RIMS2: variants seen among roughly 807,000 people sequenced by gnomAD.
The protein encoded by RIMS2 is regulating synaptic membrane exocytosis 2, also known as regulating synaptic membrane exocytosis protein 2.
In RIMS2, 59 loss-of-function variants were observed where a neutral mutation model predicts 174.4. The ratio of observed to expected loss-of-function variants is 0.34; its 90% CI spans 0.27 to 0.42. The LOEUF is 0.42. Among genes scored for constraint, RIMS2 ranks in the 10% least tolerant of loss-of-function variants. The pLI, the probability that RIMS2 is intolerant of heterozygous loss-of-function variation, is 1.00. For synonymous variants in RIMS2, 606 were observed against 572.5 expected (o/e 1.06, Z -0.84); for missense variants, 1,620 against 1,666.3 (o/e 0.97, Z 0.48).
chr8:104,134,965 G>A (rs771945316), intron 19 of RIMS2, among the ~76,000 whole-genome samples: 1 of 152,060 alleles, frequency 6.6e-6, no homozygotes, highest in African/African-American at 2.4e-5. Context: ...AATAGATCCT[G>A]TTCAGACATG....
chr8:103,600,168 T>C (rs1392476521), intron 1 of RIMS2, among the ~76,000 whole-genome samples: 1 of 152,182 alleles, frequency 6.6e-6, no homozygotes, highest in Non-Finnish European at 1.5e-5. Context: ...TCCGTGCCTG[T>C]CTTACCCCCA....
At chr8:103,869,728 A>G (rs1002627582) in intron 3 of RIMS2, among the ~76,000 whole-genome samples, 1 of 152,214 alleles carries the variant, frequency 6.6e-6, no homozygotes, top group Admixed American at 6.5e-5. Flanking sequence ...GGGCACTTAT[A>G]CAAGTTGGGC....
chr8:103,903,784 A>G (rs2073769235), intron 4 of RIMS2, among the ~76,000 whole-genome samples: 1 of 152,068 alleles, frequency 6.6e-6, no homozygotes, highest in African/African-American at 2.4e-5. Context: ...TTTTCTTTGA[A>G]CACCTGTTGT....
intron 16 of RIMS2, among the ~76,000 whole-genome samples, chr8:103,982,441 A>G (rs1188352968): frequency 6.6e-6 from 1 of 151,702 alleles, no homozygotes; most frequent in Non-Finnish European, 1.5e-5. Context: ...AGACACATAA[A>G]AAAAAAAAAC....
intron 19 of RIMS2, among the ~76,000 whole-genome samples, chr8:104,156,132 A>T (rs1457601836): frequency 1.3e-5 from 2 of 152,222 alleles, no homozygotes; most frequent in African/African-American, 2.4e-5. Flanking sequence ...ACAAACCCTG[A>T]AAACTTAATA....
chr8:103,719,637 T>G (rs192814482), intron 2 of RIMS2, among the ~76,000 whole-genome samples: 40 of 152,326 alleles, frequency 2.6e-4, no homozygotes, highest in African/African-American at 8.9e-4. Context: ...AATTTTCTAT[T>G]TTACATAGGA....
chr8:103,920,071 T>TTATTTTAGC (rs2077314603), intron 9 of RIMS2, among the ~76,000 whole-genome samples: 1 of 152,150 alleles, frequency 6.6e-6, no homozygotes, highest in Non-Finnish European at 1.5e-5. Context: ...AACCTTTATC[T>TTATTTTAGC]TATTTTAGCT....
At chr8:104,062,300 A>G (rs2097014472) in intron 19 of RIMS2, among the ~76,000 whole-genome samples, 1 of 152,134 alleles carries the variant, frequency 6.6e-6, no homozygotes, top group Non-Finnish European at 1.5e-5. Context: ...GCTACTCGGT[A>G]GGCTGAGGCA....
intron 1 of RIMS2, among the ~76,000 whole-genome samples, chr8:103,671,492 T>G (rs2096743584): frequency 6.6e-6 from 1 of 152,234 alleles, no homozygotes; most frequent in South Asian, 2.1e-4. Context: ...GAATCCTTAC[T>G]TAGTCCAAAT....
chr8:103,751,783 T>C (rs1299942574), intron 2 of RIMS2, among the ~76,000 whole-genome samples: 2 of 151,206 alleles, frequency 1.3e-5, no homozygotes, highest in Non-Finnish European at 2.9e-5. Flanking sequence ...CGCCCACTTT[T>C]TGATGGGGTT....
At chr8:104,179,060 G>T (rs2098923974) in intron 19 of RIMS2, among the ~76,000 whole-genome samples, 1 of 152,086 alleles carries the variant, frequency 6.6e-6, no homozygotes. Context: ...TATCTGAACT[G>T]ATGGGCTTAA....
At chr8:103,989,695 T>C (rs192503041) in intron 17 of RIMS2, among the ~76,000 whole-genome samples, 4 of 152,338 alleles carry the variant, frequency 2.6e-5, no homozygotes, top group African/African-American at 9.6e-5. Context: ...TGAATCTGTA[T>C]AAGTGATTAT....
Position 103,908,564 on chromosome 8 carries a change from C to T in RIMS2, c.1625-1570C>T, listed in dbSNP as rs530001245. On this transcript the variant is annotated intron_variant, in intron 4 of 23. Transcript: ENST00000504942. Reference sequence around the variant, plus strand: ...TCCCTAACAAGAAGTGCTCTTCCTCCAGTCGTCTCCATCTCATAAATTTTT... The same window carrying T: ...TCCCTAACAAGAAGTGCTCTTCCTCTAGTCGTCTCCATCTCATAAATTTTT... 5.9e-5 allele frequency among the ~76,000 whole-genome samples: 9 copies of T among 152,244 alleles called. 1 individual carries two copies. In the South Asian group the frequency reaches 1.9e-3, roughly 32 times the overall value.
chr8:104,163,355 GC>G (rs1445300544), intron 19 of RIMS2, among the ~76,000 whole-genome samples: 2 of 152,098 alleles, frequency 1.3e-5, no homozygotes, highest in Admixed American at 1.3e-4. Flanking sequence ...TATGGTATGT[GC>G]CAACTATTGT....
intron 3 of RIMS2, among the ~76,000 whole-genome samples, chr8:103,835,267 A>G (rs918383183): frequency 6.6e-6 from 1 of 151,112 alleles, no homozygotes; most frequent in Non-Finnish European, 1.5e-5. Context: ...AGGCCCATCT[A>G]ATTTTTTGTC....
chr8:104,163,492 A>G (rs1473809455), intron 19 of RIMS2, among the ~76,000 whole-genome samples: 1 of 152,210 alleles, frequency 6.6e-6, no homozygotes, highest in Admixed American at 6.5e-5. Flanking sequence ...TTTATTGCAG[A>G]GGATACTAAC....
intron 16 of RIMS2, among the ~76,000 whole-genome samples, chr8:103,981,095 G>A (rs901602837): frequency 2.0e-5 from 3 of 152,144 alleles, no homozygotes; most frequent in African/African-American, 7.2e-5. Context: ...GGTGATAGTA[G>A]CCAAGTAGTG....
chr8:104,079,824 G>A (rs1045576011), intron 19 of RIMS2, among the ~76,000 whole-genome samples: 1 of 151,400 alleles, frequency 6.6e-6, no homozygotes, highest in African/African-American at 2.4e-5. Flanking sequence ...TAGTCTCTCA[G>A]TAGCATGTAC....
chr8:103,838,585 C>T (rs2154484897), intron 3 of RIMS2, among the ~76,000 whole-genome samples: 1 of 152,284 alleles, frequency 6.6e-6, no homozygotes, highest in Non-Finnish European at 1.5e-5. Flanking sequence ...ATCTCAACAT[C>T]TCTCACTCTA....
Sources: allele counts gnomAD v4.1 joint callset (sites outside exome capture counted in the v4.1 genomes callset), GRCh38; gene constraint gnomAD v4.1.1; transcripts MANE v1.5; gene names NCBI Gene and HGNC (gene_info 2026-07-23, HGNC 2026-07-21).